The following NDUFAF5 variants were observed in gnomAD, a reference collection of about 807,000 sequenced individuals.
NDUFAF5 encodes the protein arginine-hydroxylase NDUFAF5, mitochondrial.
A neutral mutation model predicts 48.9 loss-of-function variants in NDUFAF5; 34 were observed. That is an observed-to-expected ratio of 0.70 (90% CI 0.53 to 0.93). The LOEUF (loss-of-function observed/expected upper bound fraction) is 0.93. Ranked by LOEUF, NDUFAF5 falls within the 40% of genes least tolerant of loss-of-function variation. The pLI, the probability that NDUFAF5 is intolerant of heterozygous loss-of-function variation, is 0.00. For missense variants in NDUFAF5, 428 were observed against 427.5 expected (o/e 1.00, Z -0.01); for synonymous variants, 153 against 150.6 (o/e 1.02, Z -0.12).
rs535599746 is a variant in NDUFAF5, at chr20:13,795,385, A to G, written c.479+444A>G. On this transcript the variant is annotated intron_variant, in intron 5 of 10. Transcript: ENST00000378106. ...TGGGGGAAAAAAAAGTTGAGGCACT[A>G]TATCATATTATCTCCACCAGAGAGC... Among the ~76,000 whole-genome samples, 32 of 152,300 alleles carry G rather than the reference A, an allele frequency of 2.1e-4. No individual in the cohort carries two copies. In the East Asian group the frequency reaches 2.3e-3, roughly 11 times the overall value.
chr20:13,810,240 A>C (rs1985677692), intron 8 of NDUFAF5, among the ~76,000 whole-genome samples: 2 of 152,222 alleles, frequency 1.3e-5, no homozygotes, highest in African/African-American at 4.8e-5. Flanking sequence ...GCCTACAAAG[A>C]GACTGAGAAG....
At chr20:13,798,808 A>T (rs1220789543) in intron 6 of NDUFAF5, among the ~76,000 whole-genome samples, 1 of 152,262 alleles carries the variant, frequency 6.6e-6, no homozygotes, top group Non-Finnish European at 1.5e-5. Flanking sequence ...TTAGTTGCCC[A>T]TAAACTTTTT....
At chr20:13,797,944 ATAT>A (rs1175728217) in intron 5 of NDUFAF5, among the ~76,000 whole-genome samples, 1 of 152,180 alleles carries the variant, frequency 6.6e-6, no homozygotes, top group Non-Finnish European at 1.5e-5. Flanking sequence ...AAAAAATGGG[ATAT>A]TATTGGAAAA....
chr20:13,802,705 C>A (rs1228259648), intron 7 of NDUFAF5, among the ~76,000 whole-genome samples: 1 of 150,428 alleles, frequency 6.6e-6, no homozygotes, highest in Non-Finnish European at 1.5e-5. Flanking sequence ...ATGTTACTCA[C>A]CTCACCCTTT....
intron 7 of NDUFAF5, among the ~76,000 whole-genome samples, chr20:13,803,789 ATT>A (rs540151502): frequency 6.7e-6 from 1 of 150,186 alleles, no homozygotes; most frequent in Non-Finnish European, 1.5e-5. Flanking sequence ...TTTTCTTTTA[ATT>A]TTTTTTTTGG....
intron 7 of NDUFAF5, among the ~76,000 whole-genome samples, chr20:13,804,493 T>A (rs932678651): frequency 3.9e-5 from 6 of 152,184 alleles, no homozygotes; most frequent in Non-Finnish European, 8.8e-5. Flanking sequence ...TGAAACTTTT[T>A]TTATTAACAG....
chr20:13,800,369 T>C (rs1472146023), intron 6 of NDUFAF5, among the ~76,000 whole-genome samples: 2 of 152,232 alleles, frequency 1.3e-5, no homozygotes, highest in Admixed American at 1.3e-4. Context: ...ACATATTAAA[T>C]ATAAATTTAA....
chr20:13,804,374 A>T (rs1004118464), intron 7 of NDUFAF5, among the ~76,000 whole-genome samples: 1 of 151,906 alleles, frequency 6.6e-6, no homozygotes, highest in Non-Finnish European at 1.5e-5. Context: ...TTGGAGAACT[A>T]CTGTCCTAGA....
At chr20:13,790,993 A>G (rs1982195652) in intron 3 of NDUFAF5, among the ~76,000 whole-genome samples, 1 of 152,172 alleles carries the variant, frequency 6.6e-6, no homozygotes, top group South Asian at 2.1e-4. Context: ...GGATTTGCTC[A>G]TTTTTGATCA....
chr20:13,787,311 G>C lies in NDUFAF5; in HGVS notation c.223-1G>C, dbSNP rs6110038. ...AACCTACGCCTCGTGTAATCCTTCA[G>C]GTTGGAAGTCGGATCGCAGACCGTG... On this transcript the variant is annotated splice_acceptor_variant, in intron 1 of 10. Coordinates refer to ENST00000378106, the MANE Select transcript of NDUFAF5 (RefSeq NM_024120.5). LOFTEE classifies it high-confidence loss of function. The C allele has an allele frequency of 2.5e-6, 4 of 1,614,102 alleles. No homozygotes were observed. In the South Asian group the frequency reaches 3.3e-5, roughly 13 times the overall value.
At chr20:13,803,701 C>T (rs951168259) in intron 7 of NDUFAF5, among the ~76,000 whole-genome samples, 22 of 152,076 alleles carry the variant, frequency 1.4e-4, no homozygotes, top group African/African-American at 5.3e-4. Context: ...AATTTGTTTT[C>T]GTATTCATTT....
At chr20:13,805,024 T>C (rs1984791458) in intron 7 of NDUFAF5, among the ~76,000 whole-genome samples, 2 of 152,198 alleles carry the variant, frequency 1.3e-5, no homozygotes, top group African/African-American at 4.8e-5. Context: ...ACTTATAATA[T>C]GGAAAAAATT....
At chr20:13,804,505 A>G (rs533015417) in intron 7 of NDUFAF5, among the ~76,000 whole-genome samples, 4 of 152,114 alleles carry the variant, frequency 2.6e-5, no homozygotes, top group Non-Finnish European at 5.9e-5. Flanking sequence ...TATTAACAGT[A>G]TATGTATTTC....
intron 9 of NDUFAF5, 105 bp downstream of exon 9, chr20:13,816,651 C>G: frequency 1.1e-6 from 1 of 932,288 alleles, no homozygotes; most frequent in Non-Finnish European, 1.7e-6. Flanking sequence ...TTAAGGCTCC[C>G]TCAGACTTCT....
Position 13,788,655 on chromosome 20 carries a change from ATATT to A in NDUFAF5, c.327+8_327+11del, listed in dbSNP as rs1262263785. 4 of 1,581,892 alleles carry A rather than the reference ATATT, an allele frequency of 2.5e-6. No individual in the cohort carries two copies. The highest frequency in any genetic ancestry group is 3.5e-6 in the Non-Finnish European group (4 of 1,151,068). ...ACATTGCACAATATTTGAATAAGGT[ATATT>A]TATTCAATGACCTAATTTACTTTGA... On this transcript the variant is annotated splice_donor_5th_base_variant and intron_variant, in intron 3 of 10. Coordinates refer to ENST00000378106, the MANE Select transcript of NDUFAF5 (RefSeq NM_024120.5).
Position 13,821,076 on chromosome 20 carries a change from G to T in NDUFAF5, c.*3866G>T, listed in dbSNP as rs1175977843. 1 of 152,180 alleles carries T rather than the reference G, an allele frequency of 6.6e-6. No homozygotes were observed. Among genetic ancestry groups the T allele is most frequent in the African/African-American group, 2.4e-5 (1 of 41,434 alleles). The allele number at this position is 152,180 out of a possible 1,614,324, so 9.4% of individuals were successfully genotyped here. On this transcript the variant is annotated 3_prime_UTR_variant, in exon 11 of 11. Coordinates refer to ENST00000378106, the MANE Select transcript of NDUFAF5 (RefSeq NM_024120.5). The stretch of plus-strand genomic sequence containing the variant: ...AACATCAATTTGAAAATACTAGAAG[G>T]TGGGGTGAACACTGATAAGTTACTG...
rs146336040 is a variant in NDUFAF5 at position 13,816,909 on chromosome 20, T to C, written c.897T>C (p.Ala299=). ...GAAATGAAGATGGTTCAGTACCTGC[T>C]ACATACCAGATCTATTACATGATAG... ...MYRNEDGSVP[A]TYQIYYMIGW... is the part of the protein sequence containing the mutation. Residue 299 remains alanine, a synonymous_variant, in exon 10 of 11, where the codon GCT becomes GCC. Coordinates refer to ENST00000378106, the MANE Select transcript of NDUFAF5 (RefSeq NM_024120.5). The C allele has an allele frequency of 1.2e-5, 20 of 1,610,130 alleles. 1 individual carries two copies. In the African/African-American group the frequency reaches 2.4e-4, roughly 19 times the overall value.
At chr20:13,789,506 C>T (rs1224836528) in intron 3 of NDUFAF5, among the ~76,000 whole-genome samples, 3 of 149,512 alleles carry the variant, frequency 2.0e-5, no homozygotes, top group Admixed American at 6.7e-5. Flanking sequence ...GACAGAGTCT[C>T]GCTCTGTTGC....
chr20:13,817,258 T>G lies in NDUFAF5; in HGVS notation c.*48T>G, dbSNP rs1404856365. ...GTCCAGAATTTTCATCAGAAATGGA[T>G]AGCTTTAACATCTAAAATTATTATA... On this transcript the variant is annotated 3_prime_UTR_variant, in exon 11 of 11. Coordinates refer to ENST00000378106, the MANE Select transcript of NDUFAF5 (RefSeq NM_024120.5). 1.5e-6 allele frequency: 2 copies of G among 1,317,256 alleles called. No individual in the cohort carries two copies. Among genetic ancestry groups the G allele is most frequent in the South Asian group, 2.4e-5 (2 of 85,046 alleles). 81.6% of individuals were successfully genotyped at this position (1,317,256 alleles called of 1,614,324 possible).
Sources: allele counts gnomAD v4.1 joint callset (sites outside exome capture counted in the v4.1 genomes callset), GRCh38; gene constraint gnomAD v4.1.1; transcripts MANE v1.5; gene names NCBI Gene and HGNC (gene_info 2026-07-23, HGNC 2026-07-21).